Variants in PIK3CD observed in about 807,000 individuals in gnomAD.
PIK3CD encodes the protein phosphatidylinositol 4,5-bisphosphate 3-kinase catalytic subunit delta isoform.
Under a neutral mutation model 122.9 loss-of-function variants are expected in PIK3CD, and 20 were observed. The ratio of observed to expected loss-of-function variants is 0.16; its 90% CI spans 0.11 to 0.24. The LOEUF (loss-of-function observed/expected upper bound fraction) is 0.24. PIK3CD is among the 10% of genes least tolerant of loss of function. The pLI is 1.00. For synonymous variants in PIK3CD, 596 were observed against 593.4 expected, an observed-to-expected ratio of 1.00 and a Z score of -0.06; for missense variants, 787 against 1,406.3, an observed-to-expected ratio of 0.56 and a Z score of 7.04.
intron 5 of PIK3CD, 22 bp from the exon 6 acceptor site, chr1:9,716,418 C>T (rs1405289121): frequency 4.3e-6 from 7 of 1,610,142 alleles, no homozygotes; most frequent in South Asian, 1.1e-5. Flanking sequence ...GGGCAGAGGA[C>T]TGACCTCCCT....
At chr1:9,686,467 G>T (rs1479106836) in intron 1 of PIK3CD, among the ~76,000 whole-genome samples, 2 of 151,458 alleles carry the variant, frequency 1.3e-5, no homozygotes, top group Non-Finnish European at 2.9e-5. Context: ...CTCGCAAAGT[G>T]CTGAGATTAC....
At chr1:9,690,594 A>C (rs1256829131) in intron 1 of PIK3CD, among the ~76,000 whole-genome samples, 1 of 152,118 alleles carries the variant, frequency 6.6e-6, no homozygotes, top group East Asian at 1.9e-4. Context: ...GGAGCATCCG[A>C]GCCCGCATGC....
At chr1:9,674,100 C>G (rs996865073) in intron 1 of PIK3CD, among the ~76,000 whole-genome samples, 1 of 152,126 alleles carries the variant, frequency 6.6e-6, no homozygotes, top group Non-Finnish European at 1.5e-5. Context: ...CAGGGTAAGT[C>G]GTAGGGATCA....
At chr1:9,642,648 C>T in the PIK3CD span, among the ~76,000 whole-genome samples, 19 of 148,008 alleles carry the variant, frequency 1.3e-4, no homozygotes, top group African/African-American at 3.8e-4. Context: ...ACCCGGGAGG[C>T]GGAGCTCGCA....
intron 3 of PIK3CD, among the ~76,000 whole-genome samples, chr1:9,712,482 T>C (rs1416083237): frequency 1.3e-5 from 2 of 152,064 alleles, no homozygotes; most frequent in East Asian, 1.9e-4. Flanking sequence ...GGTTTCACCA[T>C]GTTGGCCAGG....
intron 2 of PIK3CD, among the ~76,000 whole-genome samples, chr1:9,695,379 T>C (rs1646365047): frequency 6.6e-6 from 1 of 152,070 alleles, no homozygotes; most frequent in South Asian, 2.1e-4. Flanking sequence ...TTAAACAGTC[T>C]CGAAGTAGTA....
At chr1:9,654,693 G>A (rs1452573448) in intron 1 of PIK3CD, 2 of 348,444 alleles carry the variant, frequency 5.7e-6, no homozygotes, top group East Asian at 7.8e-5. Flanking sequence ...CCTCCCTGAG[G>A]CCAGCTGCCG....
intron 1 of PIK3CD, among the ~76,000 whole-genome samples, chr1:9,675,016 A>C (rs1417716572): frequency 1.4e-5 from 2 of 143,694 alleles, no homozygotes; most frequent in African/African-American, 5.4e-5. Flanking sequence ...AGCCTGGGCA[A>C]TGTAAAAAAA....
rs371018600 is a variant in PIK3CD, at chr1:9,694,943, CA to C, written c.-33+3373del. Among the ~76,000 whole-genome samples the C allele has an allele frequency of 2.1e-4, 32 of 151,572 alleles. 1 individual carries two copies. The East Asian group carries it at 3.1e-3, about 15-fold the overall frequency. On this transcript the variant is annotated intron_variant, in intron 2 of 23. Coordinates refer to ENST00000377346, the MANE Select transcript of PIK3CD (RefSeq NM_005026.5). The stretch of plus-strand genomic sequence containing the variant: ...TACCAGTGCACTCCAGCCTGGGTGA[CA>C]GAGTGAGACCCTGTCTCAAAAACAA...
At chr1:9,676,882 G>A (rs1009676323) in intron 1 of PIK3CD, among the ~76,000 whole-genome samples, 7 of 152,184 alleles carry the variant, frequency 4.6e-5, no homozygotes, top group African/African-American at 1.7e-4. Flanking sequence ...GACAGAGTCT[G>A]AACCGATCCC....
chr1:9,629,281 C>A, the PIK3CD span, among the ~76,000 whole-genome samples: 3 of 152,010 alleles, frequency 2.0e-5, no homozygotes, highest in Non-Finnish European at 4.4e-5. Context: ...GGGTGCCTTC[C>A]CCCCAGGCTC....
chr1:9,716,495 G>A lies in PIK3CD; in HGVS notation c.656G>A (p.Cys219Tyr). 4 of 1,611,084 alleles carry A rather than the reference G, an allele frequency of 2.5e-6. No homozygotes were observed. The highest frequency in any genetic ancestry group is 3.4e-6 in the Non-Finnish European group (4 of 1,179,900). The change falls in exon 6 of 24, where the codon TGT becomes TAT. Residue 219 changes from cysteine (C) to tyrosine (Y), a missense_variant. Physicochemically the swap from Cys to Tyr is radical, Grantham distance 194. Around this residue, in one of 6 missense-constraint regions of PIK3CD, gnomAD observed 592 missense variants for 920.6 expected, o/e 0.64. Transcript: ENST00000377346. ...GACGTGCCGCTGGCGCTGATGGCCT[G>A]TGCCCTGCGGAAGAAGGCCACAGTG... ...TKDVPLALMA[C>Y]ALRKKATVFR...
Position 9,718,832 on chromosome 1 carries a change from A to G in PIK3CD, c.1159A>G (p.Met387Val). The G allele has an allele frequency of 1.9e-6, 3 of 1,612,870 alleles. No homozygotes were observed. Among genetic ancestry groups the G allele is most frequent in the East Asian group, 2.2e-5 (1 of 44,872 alleles). The change falls in exon 9 of 24, where the codon ATG (methionine) becomes GTG (valine). Residue 387 changes from methionine to valine, a missense_variant. Transcript: ENST00000377346. The surrounding 1 kb of genome is among the most constrained non-coding windows in gnomAD (Gnocchi z 7.2). ...CATCAACATCTGCGACCTGCCCCGCATGGCCCGTCTCTGCTTTGCGCTGTA... is the reference window on the plus strand; with the variant it reads ...CATCAACATCTGCGACCTGCCCCGCGTGGCCCGTCTCTGCTTTGCGCTGTA... ...FDINICDLPR[M>V]ARLCFALYAV... is the part of the protein sequence containing the mutation.
chr1:9,648,909 T>C (rs1446589102), upstream of PIK3CD, among the ~76,000 whole-genome samples: 1 of 152,158 alleles, frequency 6.6e-6, no homozygotes, highest in Non-Finnish European at 1.5e-5. Context: ...GAGACCAGCC[T>C]GGCCAACATG....
chr1:9,716,263 A>T, intron 5 of PIK3CD, 177 bp from the exon 6 acceptor site: 1 of 811,136 alleles, frequency 1.2e-6, no homozygotes. Flanking sequence ...GTGGCAGGAT[A>T]ACCAAGTGGC....
Position 9,722,394 on chromosome 1 carries a change from C to T in PIK3CD, c.2347+38C>T. 6.4e-7 allele frequency: 1 copy of T among 1,564,102 alleles called. No homozygotes were observed. On this transcript the variant is annotated intron_variant, in intron 18 of 23. Transcript: ENST00000377346. The surrounding 1 kb of genome is among the most constrained non-coding windows in gnomAD (Gnocchi z 7.6). ...CCTCCCCACACCCCGCCTGTACTGC[C>T]CTGGGGGGTCCTGGGGTGCTCCTAG...
At chr1:9,696,545 A>G (rs1330544882) in intron 2 of PIK3CD, among the ~76,000 whole-genome samples, 1 of 152,018 alleles carries the variant, frequency 6.6e-6, no homozygotes, top group Non-Finnish European at 1.5e-5. Flanking sequence ...TGAGCCCAGG[A>G]GTTTGAAAGC....
Position 9,714,428 on chromosome 1 carries a change from G to T in PIK3CD, c.142-1113G>T, listed in dbSNP as rs79345497. Reference sequence around the variant, plus strand: ...GTGGCTTTTTGGGGTTAACCAGGTGGCAGGTGGATTTAGCCAGGAAAAGGG... The same window carrying T: ...GTGGCTTTTTGGGGTTAACCAGGTGTCAGGTGGATTTAGCCAGGAAAAGGG... On this transcript the variant is annotated intron_variant, in intron 3 of 23. Transcript: ENST00000377346. Among the ~76,000 whole-genome samples the T allele has an allele frequency of 6.1e-3, 936 of 152,324 alleles. 14 individuals carry two copies. Among genetic ancestry groups the T allele is most frequent in the African/African-American group, 0.021 (889 of 41,576 alleles).
chr1:9,726,307 G>A (rs1649579542), intron 23 of PIK3CD, among the ~76,000 whole-genome samples: 2 of 152,036 alleles, frequency 1.3e-5, no homozygotes, highest in South Asian at 4.1e-4. Context: ...AGGAGATCGA[G>A]ACCATCCTGG....
Sources: allele counts gnomAD v4.1 joint callset (sites outside exome capture counted in the v4.1 genomes callset), GRCh38; gene constraint gnomAD v4.1.1; regional missense constraint gnomAD v4.1.1; non-coding constraint Gnocchi (gnomAD v3.1); transcripts MANE v1.5; gene names NCBI Gene and HGNC (gene_info 2026-07-23, HGNC 2026-07-21).